Variants in LRFN2 observed in about 807,000 individuals in gnomAD.
The protein encoded by LRFN2 is leucine-rich repeat and fibronectin type-III domain-containing protein 2.
In LRFN2, 18 loss-of-function variants were observed where a neutral mutation model predicts 37.3. That is an observed-to-expected ratio of 0.48 (90% CI 0.33 to 0.72). The LOEUF (loss-of-function observed/expected upper bound fraction) is 0.72. Among genes scored for constraint, LRFN2 ranks in the 30% least tolerant of loss-of-function variants. The probability of loss-of-function intolerance (pLI) is 0.02; values close to 1 mark genes in which losing one functional copy is unlikely to be tolerated. For synonymous variants in LRFN2, 556 were observed against 466.6 expected (o/e 1.19, Z -2.47); for missense variants, 1,006 against 1,060.7 (o/e 0.95, Z 0.72).
At chr6:40,482,869 G>C (rs558594870) in intron 1 of LRFN2, among the ~76,000 whole-genome samples, 1 of 152,202 alleles carries the variant, frequency 6.6e-6, no homozygotes, top group Non-Finnish European at 1.5e-5. Context: ...ATGGGCTCCC[G>C]GGTGGTGCAG....
At chr6:40,479,191 G>A (rs1764770668) in intron 1 of LRFN2, among the ~76,000 whole-genome samples, 1 of 152,192 alleles carries the variant, frequency 6.6e-6, no homozygotes, top group Non-Finnish European at 1.5e-5. Context: ...TTGGTACCCA[G>A]CACTCAATAA....
At chr6:40,564,307 C>A (rs1767051207) in intron 1 of LRFN2, among the ~76,000 whole-genome samples, 1 of 152,172 alleles carries the variant, frequency 6.6e-6, no homozygotes. Context: ...AGTCATCCAA[C>A]CAACACTGAT....
At chr6:40,557,599 G>A (rs6458162) in intron 1 of LRFN2, among the ~76,000 whole-genome samples, 74,679 of 151,834 alleles carry the variant, frequency 0.49, 19,850 homozygotes, top group African/African-American at 0.7. Flanking sequence ...AGAGTGGGGT[G>A]TGCCCAGGGA....
intron 1 of LRFN2, among the ~76,000 whole-genome samples, chr6:40,527,278 C>G (rs1766271903): frequency 6.6e-6 from 1 of 152,158 alleles, no homozygotes; most frequent in South Asian, 2.1e-4. Flanking sequence ...TCCAGGACAG[C>G]CAAAGTCATG....
intron 1 of LRFN2, among the ~76,000 whole-genome samples, chr6:40,546,127 C>T (rs946744565): frequency 6.6e-6 from 1 of 151,786 alleles, no homozygotes; most frequent in Non-Finnish European, 1.5e-5. Flanking sequence ...CTTGGCTGGG[C>T]AAAACGGGCT....
chr6:40,403,242 C>G (rs1345639943), intron 2 of LRFN2, among the ~76,000 whole-genome samples: 1 of 152,170 alleles, frequency 6.6e-6, no homozygotes, highest in Non-Finnish European at 1.5e-5. Flanking sequence ...ATTACCAGTA[C>G]AAGTTGTACA....
At chr6:40,555,994 C>A (rs2113925980) in intron 1 of LRFN2, among the ~76,000 whole-genome samples, 2 of 114,522 alleles carry the variant, frequency 1.7e-5, no homozygotes, top group East Asian at 4.3e-4. Flanking sequence ...TCAGAATAAT[C>A]TCAACAATAA....
chr6:40,520,135 C>T (rs187559628), intron 1 of LRFN2, among the ~76,000 whole-genome samples: 12 of 152,256 alleles, frequency 7.9e-5, no homozygotes, highest in Admixed American at 4.6e-4. Flanking sequence ...AAGGATTTTA[C>T]GTAATCTAGT....
At chr6:40,583,915 GA>G (rs1349247738) in intron 1 of LRFN2, among the ~76,000 whole-genome samples, 1 of 152,158 alleles carries the variant, frequency 6.6e-6, no homozygotes, top group African/African-American at 2.4e-5. Flanking sequence ...TCAAACCTCA[GA>G]CAGGAAAGGG....
intron 1 of LRFN2, among the ~76,000 whole-genome samples, chr6:40,453,880 C>T (rs1055825148): frequency 4.6e-5 from 7 of 152,140 alleles, no homozygotes; most frequent in African/African-American, 1.7e-4. Flanking sequence ...AACATCCAGG[C>T]CCTGTCCATT....
At chr6:40,579,648 G>T (rs1767358266) in intron 1 of LRFN2, among the ~76,000 whole-genome samples, 1 of 151,254 alleles carries the variant, frequency 6.6e-6, no homozygotes, top group African/African-American at 2.4e-5. Flanking sequence ...GAGAATGCAG[G>T]TGAAGGGCTG....
chr6:40,478,924 T>A (rs1445790058), intron 1 of LRFN2, among the ~76,000 whole-genome samples: 2 of 152,240 alleles, frequency 1.3e-5, no homozygotes. Context: ...CTGAATTGAA[T>A]CTAGCACCAC....
intron 2 of LRFN2, among the ~76,000 whole-genome samples, chr6:40,399,729 C>T (rs1389034891): frequency 1.3e-5 from 2 of 151,882 alleles, no homozygotes; most frequent in African/African-American, 4.8e-5. Context: ...TGAGCCACGG[C>T]TCCTGGCCTG....
Position 40,432,933 on chromosome 6 carries a change from C to A in LRFN2, c.181G>T (p.Gly61Cys). ...CGGCTGATGTGGATGATGAAGTTGC[C>A]GCCCAGGCGCAGCTCCACTGTCCGC... Reference protein sequence around the residue: ...DRRTVELRLGGNFIIHISRQD... With the variant: ...DRRTVELRLGCNFIIHISRQD... Residue 61 changes from glycine (G) to cysteine (C), a missense_variant, in exon 2 of 3, where the codon GGC becomes TGC. Physicochemically the swap from Gly to Cys is radical, Grantham distance 159. Around this residue, in one of 4 missense-constraint regions of LRFN2, gnomAD observed 185 missense variants for 254.9 expected, o/e 0.73. Coordinates refer to ENST00000338305, the MANE Select transcript of LRFN2 (RefSeq NM_020737.3). 1 of 1,613,934 alleles carries A rather than the reference C, an allele frequency of 6.2e-7. No individual in the cohort carries two copies. The highest frequency in any genetic ancestry group is 8.5e-7 in the Non-Finnish European group (1 of 1,179,846).
At chr6:40,466,710 C>T (rs1474775213) in intron 1 of LRFN2, among the ~76,000 whole-genome samples, 1 of 152,068 alleles carries the variant, frequency 6.6e-6, no homozygotes, top group Non-Finnish European at 1.5e-5. Flanking sequence ...TCTGTCCCTG[C>T]CTTAATTTTT....
intron 2 of LRFN2, among the ~76,000 whole-genome samples, chr6:40,393,167 G>T (rs564144470): frequency 2.0e-5 from 3 of 151,542 alleles, no homozygotes; most frequent in Non-Finnish European, 2.9e-5. Flanking sequence ...CAGGCAACAG[G>T]AATAGGGCAT....
chr6:40,553,089 C>T (rs939624697), intron 1 of LRFN2, among the ~76,000 whole-genome samples: 2 of 152,210 alleles, frequency 1.3e-5, no homozygotes, highest in Non-Finnish European at 2.9e-5. Flanking sequence ...ATGCATCTCC[C>T]TTCTTGTTCG....
At chr6:40,469,621 T>C (rs568086104) in intron 1 of LRFN2, among the ~76,000 whole-genome samples, 1 of 152,222 alleles carries the variant, frequency 6.6e-6, no homozygotes, top group South Asian at 2.1e-4. Flanking sequence ...TTGGGTTTGG[T>C]CACTGGAAGG....
chr6:40,431,359 C>G (rs77253396), intron 2 of LRFN2, among the ~76,000 whole-genome samples: 3,805 of 152,274 alleles, frequency 0.025, 151 homozygotes, highest in African/African-American at 0.085. Context: ...GGAGTCAGAA[C>G]CTTCAGCCAA....
Sources: gnomAD v4.1 joint callset for allele counts (sites outside exome capture counted in the v4.1 genomes callset) on GRCh38, gnomAD v4.1.1 for gene constraint, gnomAD v4.1.1 regional missense constraint, MANE v1.5 for transcripts, NCBI Gene and HGNC (gene_info 2026-07-23, HGNC 2026-07-21) for gene names.